Variants in ANTXR2 observed in about 807,000 individuals in gnomAD.
The protein encoded by ANTXR2 is ANTXR cell adhesion molecule 2.
A neutral mutation model predicts 73.7 loss-of-function variants in ANTXR2; 44 were observed. The ratio of observed to expected loss-of-function variants is 0.60; its 90% CI spans 0.47 to 0.77. The LOEUF (loss-of-function observed/expected upper bound fraction) is 0.77, where lower values mean the gene tolerates loss of function less well. ANTXR2 is among the 30% of genes least tolerant of loss of function. ANTXR2 has a pLI of 0.00. For synonymous variants in ANTXR2, 217 were observed against 205.9 expected (o/e 1.05, Z -0.46); for missense variants, 604 against 592.5 (o/e 1.02, Z -0.20).
chr4:79,937,589 T>C (rs1728320073), intron 16 of ANTXR2, among the ~76,000 whole-genome samples: 1 of 152,204 alleles, frequency 6.6e-6, no homozygotes, highest in South Asian at 2.1e-4. Context: ...TTCCGTTATC[T>C]AAACTAGAAA....
Position 80,042,491 on chromosome 4 carries a change from G to C in ANTXR2, c.637-6459C>G, listed in dbSNP as rs551185052. On this transcript the variant is annotated intron_variant, in intron 7 of 16. Transcript: ENST00000403729. ...TTTTCATATGGAATGTTAGCCTTTG[G>C]TCCTCTCCCCCTCACTGTCTCACCT... Among the ~76,000 whole-genome samples, 87 of 151,898 alleles carry C rather than the reference G, an allele frequency of 5.7e-4. 2 individuals carry two copies. Among genetic ancestry groups the C allele is most frequent in the Non-Finnish European group, 2.1e-4 (14 of 67,912 alleles).
intron 6 of ANTXR2, 108 bp from the exon 7 acceptor site, chr4:80,054,460 T>C: frequency 1.3e-6 from 1 of 761,744 alleles, no homozygotes; most frequent in Non-Finnish European, 2.2e-6. Flanking sequence ...CCCCACAGGA[T>C]TAATTTACCA....
intron 16 of ANTXR2, among the ~76,000 whole-genome samples, chr4:79,952,361 G>A (rs1323963121): frequency 1.3e-5 from 2 of 151,072 alleles, no homozygotes; most frequent in African/African-American, 4.9e-5. Context: ...CATCTAGACT[G>A]TAATAAATTC....
chr4:80,030,564 T>A (rs1732645305), intron 10 of ANTXR2, among the ~76,000 whole-genome samples: 2 of 152,068 alleles, frequency 1.3e-5, no homozygotes, highest in Admixed American at 1.3e-4. Flanking sequence ...TACTCTTAGT[T>A]TTGTAAGCCA....
chr4:79,998,144 A>T (rs990530916), intron 12 of ANTXR2, among the ~76,000 whole-genome samples: 1 of 151,980 alleles, frequency 6.6e-6, no homozygotes, highest in Admixed American at 6.6e-5. Context: ...TAACAAAATG[A>T]TTCTATAGAG....
At position 80,059,732 on chromosome 4, in the gene ANTXR2, G is replaced by A. The variant is rs75267403; in HGVS notation, c.297-3719C>T. ...TCTCCCTAATTTCTTTGCTGAGAAG[G>A]GCAGGGAAGGGAAGGAGAGGGGAGA... On this transcript the variant is annotated intron_variant, in intron 3 of 16. Transcript: ENST00000403729. Among the ~76,000 whole-genome samples the A allele has an allele frequency of 8.2e-3, 1,251 of 152,072 alleles. 13 individuals carry two copies. Among genetic ancestry groups the A allele is most frequent in the African/African-American group, 0.024 (1,005 of 41,490 alleles).
chr4:80,026,995 G>C (rs1220466273), intron 10 of ANTXR2, among the ~76,000 whole-genome samples: 1 of 152,062 alleles, frequency 6.6e-6, no homozygotes, highest in Non-Finnish European at 1.5e-5. Context: ...TGAAGGAAAA[G>C]AGAAATGTTC....
At chr4:79,984,551 T>C (rs543209885) in intron 13 of ANTXR2, among the ~76,000 whole-genome samples, 1 of 152,312 alleles carries the variant, frequency 6.6e-6, no homozygotes, top group South Asian at 2.1e-4. Flanking sequence ...ATCAGAACTG[T>C]TGATATAGTA....
At chr4:79,936,142 T>C (rs569713312) in intron 16 of ANTXR2, among the ~76,000 whole-genome samples, 3 of 152,346 alleles carry the variant, frequency 2.0e-5, no homozygotes, top group Middle Eastern at 3.4e-3. Context: ...AGAGAGTTAC[T>C]ACACATTATT....
intron 16 of ANTXR2, among the ~76,000 whole-genome samples, chr4:79,954,571 C>T (rs139732860): frequency 1.3e-5 from 2 of 152,062 alleles, no homozygotes; most frequent in African/African-American, 4.8e-5. Context: ...GTGCAATGTG[C>T]CACTGGACTC....
intron 12 of ANTXR2, among the ~76,000 whole-genome samples, chr4:79,985,280 G>GC (rs1394311982): frequency 6.6e-6 from 1 of 151,578 alleles, no homozygotes; most frequent in Non-Finnish European, 1.5e-5. Flanking sequence ...AACCCGGGAG[G>GC]CAGAGCTTGC....
At chr4:79,953,021 G>C (rs1223341805) in intron 16 of ANTXR2, among the ~76,000 whole-genome samples, 1 of 152,032 alleles carries the variant, frequency 6.6e-6, no homozygotes, top group Non-Finnish European at 1.5e-5. Flanking sequence ...GTATCATGGG[G>C]AACCCTTGGC....
chr4:79,948,180 T>C (rs1299298254), intron 16 of ANTXR2, among the ~76,000 whole-genome samples: 3 of 152,182 alleles, frequency 2.0e-5, no homozygotes, highest in Non-Finnish European at 4.4e-5. Flanking sequence ...ATCAAAGCCT[T>C]ATGCTAGTTA....
chr4:80,030,427 A>T (rs1033539016), intron 10 of ANTXR2, among the ~76,000 whole-genome samples: 1 of 152,090 alleles, frequency 6.6e-6, no homozygotes, highest in Non-Finnish European at 1.5e-5. Flanking sequence ...CTTGAGTCCT[A>T]CGGTGTGCTT....
At position 80,016,712 on chromosome 4, in the gene ANTXR2, T is replaced by C. The variant is rs527444617; in HGVS notation, c.945+2186A>G. Among the ~76,000 whole-genome samples the C allele has an allele frequency of 2.6e-5, 4 of 152,374 alleles. No individual in the cohort carries two copies. The South Asian group carries it at 6.2e-4, about 24-fold the overall frequency. Reference sequence around the variant, plus strand: ...TTTGCTCTGAAACTGCTGTGCCTGATGACAATTCATCCTTCTATTTGGCAA... The same window carrying C: ...TTTGCTCTGAAACTGCTGTGCCTGACGACAATTCATCCTTCTATTTGGCAA... On this transcript the variant is annotated intron_variant, in intron 11 of 16. Coordinates refer to ENST00000403729, the MANE Select transcript of ANTXR2 (RefSeq NM_058172.6).
chr4:80,036,314 T>G (rs1372164601), intron 7 of ANTXR2, among the ~76,000 whole-genome samples: 1 of 152,230 alleles, frequency 6.6e-6, no homozygotes, highest in East Asian at 1.9e-4. Context: ...CTGATAACCT[T>G]GGGTATGAAT....
At chr4:80,005,914 G>A (rs1731280176) in intron 12 of ANTXR2, among the ~76,000 whole-genome samples, 1 of 152,084 alleles carries the variant, frequency 6.6e-6, no homozygotes, top group South Asian at 2.1e-4. Context: ...AGACATAGGA[G>A]GTCCTCCCCT....
intron 16 of ANTXR2, among the ~76,000 whole-genome samples, chr4:79,951,176 G>A (rs982434466): frequency 2.6e-5 from 4 of 152,126 alleles, no homozygotes; most frequent in Non-Finnish European, 5.9e-5. Flanking sequence ...AAATATTTTT[G>A]TTTGATGGGA....
At chr4:79,993,879 T>A (rs907429114) in intron 12 of ANTXR2, among the ~76,000 whole-genome samples, 1 of 151,886 alleles carries the variant, frequency 6.6e-6, no homozygotes, top group Non-Finnish European at 1.5e-5. Context: ...AACCTAAATA[T>A]ATCAAACATT....
Sources: gnomAD v4.1 joint callset for allele counts (sites outside exome capture counted in the v4.1 genomes callset) on GRCh38, gnomAD v4.1.1 for gene constraint, MANE v1.5 for transcripts, NCBI Gene and HGNC (gene_info 2026-07-23, HGNC 2026-07-21) for gene names.